The following RERE variants were observed in gnomAD, a reference collection of about 807,000 sequenced individuals.
The protein encoded by RERE is arginine-glutamic acid dipeptide repeats, also known as arginine-glutamic acid dipeptide repeats protein.
In RERE, 40 loss-of-function variants were observed where a neutral mutation model predicts 146.1. The observed-to-expected ratio is 0.27, with a 90% CI of 0.21 to 0.36. The LOEUF is 0.36. Among genes scored for constraint, RERE ranks in the 10% least tolerant of loss-of-function variants. The pLI, the probability that RERE is intolerant of heterozygous loss-of-function variation, is 1.00. For missense variants in RERE, 1,933 were observed against 2,138.7 expected (o/e 0.90, Z 1.90); for synonymous variants, 1,003 against 866.0 (o/e 1.16, Z -2.78).
intron 8 of RERE, among the ~76,000 whole-genome samples, chr1:8,498,730 T>TACACACACACACACACACAC (rs1357066114): frequency 3.4e-4 from 4 of 11,860 alleles, no homozygotes; most frequent in African/African-American, 5.7e-4. Context: ...AAAATAAATA[T>TACACACACACACACACACAC]ATACACACAC....
chr1:8,523,131 C>A (rs772018627), intron 7 of RERE, among the ~76,000 whole-genome samples: 12 of 152,024 alleles, frequency 7.9e-5, no homozygotes, highest in Non-Finnish European at 1.8e-4. Flanking sequence ...GTCAAGGCTG[C>A]AGTGAGCTGA....
intron 1 of RERE, among the ~76,000 whole-genome samples, chr1:8,656,842 G>A (rs1302124777): frequency 6.6e-6 from 1 of 152,190 alleles, no homozygotes; most frequent in Non-Finnish European, 1.5e-5. Flanking sequence ...GCCAGGCACT[G>A]CGGCTCATGC....
At chr1:8,500,924 C>A in intron 8 of RERE, among the ~76,000 whole-genome samples, 1 of 151,474 alleles carries the variant, frequency 6.6e-6, no homozygotes, top group East Asian at 2.0e-4. Context: ...TGAGGAAACC[C>A]TCTGCCTGGC....
At position 8,371,780 on chromosome 1, in the gene RERE, G is replaced by A. The variant is rs140365290; in HGVS notation, c.1285-5806C>T. On this transcript the variant is annotated intron_variant, in intron 12 of 22. Coordinates refer to ENST00000400908, the MANE Select transcript of RERE (RefSeq NM_001042681.2). ...GGGCCGGGGCTGCCTACCTCCTAGAGGCTGCCTGTACCCATTTCAGGTATT... is the reference window on the plus strand; with the variant it reads ...GGGCCGGGGCTGCCTACCTCCTAGAAGCTGCCTGTACCCATTTCAGGTATT... Among the ~76,000 whole-genome samples, 1,333 of 152,338 alleles carry A rather than the reference G, an allele frequency of 8.8e-3. 8 individuals are homozygous for A. Among genetic ancestry groups the A allele is most frequent in the Non-Finnish European group, 0.015 (1,032 of 68,034 alleles).
At chr1:8,695,544 G>A (rs1639308673) in intron 1 of RERE, among the ~76,000 whole-genome samples, 1 of 126,182 alleles carries the variant, frequency 7.9e-6, no homozygotes, top group African/African-American at 3.0e-5. Flanking sequence ...GAGGTCAGCA[G>A]TTTGAGATCT....
chr1:8,776,630 T>C (rs1015666139), intron 1 of RERE, among the ~76,000 whole-genome samples: 3 of 152,214 alleles, frequency 2.0e-5, no homozygotes, highest in Non-Finnish European at 2.9e-5. Context: ...AAGCATGTAA[T>C]ATACAACTTA....
chr1:8,617,926 A>T (rs1229887008), intron 3 of RERE, among the ~76,000 whole-genome samples: 1 of 152,222 alleles, frequency 6.6e-6, no homozygotes, highest in Non-Finnish European at 1.5e-5. Flanking sequence ...TACATTACAC[A>T]CTGCAGGCTA....
chr1:8,508,552 G>T, intron 8 of RERE, 75 bp downstream of exon 8: 2 of 1,143,558 alleles, frequency 1.7e-6, no homozygotes, highest in Non-Finnish European at 2.6e-6. Flanking sequence ...CTAAGATGCT[G>T]CGCAACAGAA....
chr1:8,442,112 T>C (rs1012757800), intron 11 of RERE, among the ~76,000 whole-genome samples: 2 of 152,122 alleles, frequency 1.3e-5, no homozygotes, highest in African/African-American at 4.8e-5. Context: ...TTGTCGGGCA[T>C]GGTGGCTCAC....
chr1:8,480,841 T>C (rs960886801), intron 10 of RERE, among the ~76,000 whole-genome samples: 1 of 152,244 alleles, frequency 6.6e-6, no homozygotes, highest in Non-Finnish European at 1.5e-5. Context: ...AAATTCTAAC[T>C]GATCAAACGG....
chr1:8,791,562 A>T (rs1453700959), intron 1 of RERE, among the ~76,000 whole-genome samples: 1 of 152,240 alleles, frequency 6.6e-6, no homozygotes, highest in African/African-American at 2.4e-5. Context: ...GGAGACTTAG[A>T]TGACAGCACC....
At chr1:8,548,680 G>A (rs1410480353) in intron 6 of RERE, among the ~76,000 whole-genome samples, 1 of 152,176 alleles carries the variant, frequency 6.6e-6, no homozygotes, top group East Asian at 1.9e-4. Context: ...ATAAATAACG[G>A]AAAGTGAAGA....
chr1:8,587,172 T>C (rs1388257588), intron 4 of RERE, among the ~76,000 whole-genome samples: 1 of 152,150 alleles, frequency 6.6e-6, no homozygotes, highest in African/African-American at 2.4e-5. Flanking sequence ...TTGTCCTCTA[T>C]AGAAAATTAC....
chr1:8,488,009 A>T (rs999348163), intron 10 of RERE, among the ~76,000 whole-genome samples: 1 of 151,854 alleles, frequency 6.6e-6, no homozygotes, highest in Non-Finnish European at 1.5e-5. Context: ...AGGAGGCTGA[A>T]GCAGGAGATC....
In RERE at chr1:8,406,604, C is replaced by A. The variant is rs148971942; in HGVS notation, c.1284+16123G>T. Among the ~76,000 whole-genome samples the A allele has an allele frequency of 3.6e-3, 545 of 152,196 alleles. 13 individuals are homozygous for A. The highest frequency in any genetic ancestry group is 0.033 in the Admixed American group (500 of 15,280). On this transcript the variant is annotated intron_variant, in intron 12 of 22. Transcript: ENST00000400908. ...ATGCTTTATACTCTTCTTGCAAATT[C>A]TTTAAGTTTGAAATTATTTTAAACC...
At chr1:8,393,826 T>C (rs1642964984) in intron 12 of RERE, among the ~76,000 whole-genome samples, 4 of 152,120 alleles carry the variant, frequency 2.6e-5, no homozygotes, top group Middle Eastern at 3.4e-3. Context: ...CTATATAGAG[T>C]TGAAAATGTT....
intron 8 of RERE, among the ~76,000 whole-genome samples, chr1:8,498,511 C>T (rs964202010): frequency 1.3e-5 from 2 of 151,680 alleles, no homozygotes; most frequent in Non-Finnish European, 2.9e-5. Flanking sequence ...GCCTGGCCAA[C>T]ATGATAAAAC....
chr1:8,361,634 G>T, intron 17 of RERE, 129 bp downstream of exon 17: 1 of 1,349,396 alleles, frequency 7.4e-7, no homozygotes, highest in South Asian at 1.2e-5. Flanking sequence ...CCCTGACCCA[G>T]CCAGTGTCAA....
intron 8 of RERE, among the ~76,000 whole-genome samples, chr1:8,502,276 G>A (rs1214095556): frequency 2.6e-5 from 3 of 115,496 alleles, no homozygotes; most frequent in Non-Finnish European, 5.5e-5. Flanking sequence ...CTGCCCGGCC[G>A]CCCCTACTGG....
Sources: allele counts gnomAD v4.1 joint callset (sites outside exome capture counted in the v4.1 genomes callset), GRCh38; gene constraint gnomAD v4.1.1; transcripts MANE v1.5; gene names NCBI Gene and HGNC (gene_info 2026-07-23, HGNC 2026-07-21).